Variants in SNRPC observed in about 807,000 individuals in gnomAD.
SNRPC encodes U1 small nuclear ribonucleoprotein C.
In SNRPC, 5 loss-of-function variants were observed where a neutral mutation model predicts 20.0. The observed-to-expected ratio is 0.25, with a 90% CI of 0.13 to 0.53. The LOEUF is 0.53. Ranked by LOEUF, SNRPC falls within the 20% of genes least tolerant of loss-of-function variation. The probability of loss-of-function intolerance (pLI) is 0.96; values close to 1 mark genes in which losing one functional copy is unlikely to be tolerated. For missense variants in SNRPC, 112 were observed against 224.1 expected (o/e 0.50, Z 3.19); for synonymous variants, 61 against 58.7 (o/e 1.04, Z -0.18).
rs764935832 is a variant in SNRPC, at chr6:34,773,585, C to A, written c.*15C>A. ...CAGACAGATAAGGATAGAGGGGAGG[C>A]CTTATTGTATCGGTTTTATATTACC... On this transcript the variant is annotated 3_prime_UTR_variant, in exon 6 of 6. Coordinates refer to ENST00000244520, the MANE Select transcript of SNRPC (RefSeq NM_003093.3). The surrounding 1 kb of genome is among the most constrained non-coding windows in gnomAD (Gnocchi z 4.1). 2 of 1,611,616 alleles carry A rather than the reference C, an allele frequency of 1.2e-6. No homozygotes were observed. The highest frequency in any genetic ancestry group is 1.7e-6 in the Non-Finnish European group (2 of 1,178,772).
In SNRPC at chr6:34,767,815, C is replaced by T. The variant is rs535746460; in HGVS notation, c.161-93C>T. 1.1e-5 allele frequency: 14 copies of T among 1,244,854 alleles called. No homozygotes were observed. In the South Asian group the frequency reaches 1.4e-4, roughly 13 times the overall value. 77.1% of individuals were successfully genotyped at this position (1,244,854 alleles called of 1,614,324 possible). A position where few individuals can be genotyped will look rare whatever the true frequency, so the allele number is the denominator to read the frequency against. On this transcript the variant is annotated intron_variant, in intron 3 of 5. Transcript: ENST00000244520. Reference sequence around the variant, plus strand: ...ACTAGCAAGAGTAAAGTAATTGGAACCGTTGAAGACTTAAAGAAAGTGGTT... The same window carrying T: ...ACTAGCAAGAGTAAAGTAATTGGAATCGTTGAAGACTTAAAGAAAGTGGTT...
At chr6:34,765,631 G>T (rs1015664392) in intron 3 of SNRPC, among the ~76,000 whole-genome samples, 3 of 151,670 alleles carry the variant, frequency 2.0e-5, no homozygotes, top group African/African-American at 4.8e-5. Flanking sequence ...TAGAAATGAG[G>T]TTTCACCATG....
intron 4 of SNRPC, among the ~76,000 whole-genome samples, chr6:34,769,229 C>CT (rs11408407): frequency 0.14 from 17,960 of 129,060 alleles, 1,542 homozygotes; most frequent in African/African-American, 0.23. Flanking sequence ...TTCTTTCTTT[C>CT]TTTTTTTTTT....
intron 3 of SNRPC, among the ~76,000 whole-genome samples, chr6:34,766,571 G>T (rs182858205): frequency 6.6e-6 from 1 of 152,078 alleles, no homozygotes. Flanking sequence ...TTTTGAGAAT[G>T]GGGGGGAGCC....
intron 3 of SNRPC, among the ~76,000 whole-genome samples, chr6:34,764,244 C>T (rs951252413): frequency 3.3e-5 from 5 of 151,526 alleles, no homozygotes; most frequent in Admixed American, 6.6e-5. Context: ...CTTTGGGAGG[C>T]TGAGGCGGGT....
intron 2 of SNRPC, among the ~76,000 whole-genome samples, chr6:34,762,229 G>A (rs925829120): frequency 3.3e-5 from 5 of 151,966 alleles, no homozygotes; most frequent in Admixed American, 2.6e-4. Flanking sequence ...GCTTGAGCCC[G>A]GATGGTTGAG....
chr6:34,759,880 A>ATAACTCTTT (rs1764510971), intron 2 of SNRPC, among the ~76,000 whole-genome samples: 1 of 152,198 alleles, frequency 6.6e-6, no homozygotes, highest in Non-Finnish European at 1.5e-5. Flanking sequence ...TGATTAAATC[A>ATAACTCTTT]TAACTCTTTT....
intron 1 of SNRPC, 49 bp downstream of exon 1, chr6:34,757,600 C>T (rs756379124): frequency 5.7e-5 from 91 of 1,588,892 alleles, no homozygotes; most frequent in Non-Finnish European, 7.7e-5. Flanking sequence ...CTAGTTGTGG[C>T]CCCCATGCAG....
chr6:34,762,627 G>A lies in SNRPC; in HGVS notation c.84G>A (p.Arg28=), dbSNP rs776350415. 1.0e-5 allele frequency: 16 copies of A among 1,602,750 alleles called. No individual in the cohort carries two copies. The highest frequency in any genetic ancestry group is 3.3e-5 in the Admixed American group (2 of 59,954). The change falls in exon 3 of 6, where the codon AGG becomes AGA. Residue 28 remains arginine (R), a synonymous_variant. Transcript: ENST00000244520. ...PSVRKTHCSG[R]KHKENVKDYY... ...TGAGAAAGACACACTGCAGTGGAAG[G>A]AAACACAAAGAGAATGTGAAAGACT...
At chr6:34,760,635 A>G (rs547973868) in intron 2 of SNRPC, among the ~76,000 whole-genome samples, 40 of 152,242 alleles carry the variant, frequency 2.6e-4, no homozygotes, top group African/African-American at 8.2e-4. Flanking sequence ...ATTTCTTTAT[A>G]TTATAAATAT....
At chr6:34,759,410 C>T (rs59142559) in intron 2 of SNRPC, among the ~76,000 whole-genome samples, 33,027 of 152,186 alleles carry the variant, frequency 0.22, 4,343 homozygotes, top group African/African-American at 0.36. Context: ...GCTAGTAGAG[C>T]TCACAATTTG....
intron 3 of SNRPC, among the ~76,000 whole-genome samples, chr6:34,763,756 C>T (rs1026934846): frequency 1.3e-5 from 2 of 150,180 alleles, no homozygotes; most frequent in Non-Finnish European, 3.0e-5. Context: ...CTCACTCTGT[C>T]GCCAGGCTGG....
chr6:34,762,748 C>A (rs769396115), intron 3 of SNRPC, 45 bp downstream of exon 3: 1 of 971,346 alleles, frequency 1.0e-6, no homozygotes, highest in South Asian at 1.4e-5. Flanking sequence ...TGGTCCTATT[C>A]TTTCTTATCC....
intron 3 of SNRPC, among the ~76,000 whole-genome samples, chr6:34,764,909 T>C (rs148676869): frequency 1.3e-3 from 192 of 151,982 alleles, no homozygotes; most frequent in African/African-American, 4.2e-3. Flanking sequence ...TAATCCCAGC[T>C]ACTTGGGAGG....
At chr6:34,771,933 G>A (rs1210150876) in intron 5 of SNRPC, among the ~76,000 whole-genome samples, 1 of 152,212 alleles carries the variant, frequency 6.6e-6, no homozygotes, top group Non-Finnish European at 1.5e-5. Flanking sequence ...GGGAATGCAT[G>A]ATTCATCTAA....
At chr6:34,772,725 A>G (rs754623926) in intron 5 of SNRPC, among the ~76,000 whole-genome samples, 1 of 152,146 alleles carries the variant, frequency 6.6e-6, no homozygotes, top group Non-Finnish European at 1.5e-5. Flanking sequence ...GAAGTAGAAC[A>G]TTATCAATTC....
chr6:34,762,839 G>A, intron 3 of SNRPC, 136 bp downstream of exon 3: 1 of 631,328 alleles, frequency 1.6e-6, no homozygotes, highest in African/African-American at 1.9e-5. Context: ...GAAAGAAGCA[G>A]AAGGTCATTG....
chr6:34,757,599 G>A, intron 1 of SNRPC, 48 bp downstream of exon 1: 1 of 1,594,042 alleles, frequency 6.3e-7, no homozygotes, highest in Non-Finnish European at 8.6e-7. Flanking sequence ...ACTAGTTGTG[G>A]CCCCCATGCA....
chr6:34,757,912 G>A lies in SNRPC; in HGVS notation c.9G>A (p.Lys3=), dbSNP rs758271628. 5.0e-6 allele frequency: 8 copies of A among 1,613,404 alleles called. No individual in the cohort carries two copies. The highest frequency in any genetic ancestry group is 5.9e-6 in the Non-Finnish European group (7 of 1,179,982). The part of the protein sequence containing the change: MP[K]FYCDYCDTYL... The stretch of plus-strand genomic sequence containing the variant: ...TTCTCTTCCTTTCACCTCTTTTCAG[G>A]TTTTATTGTGACTACTGCGATACAT... The change falls in exon 2 of 6, where the codon AAG becomes AAA. Residue 3 remains lysine, a splice_region_variant and synonymous_variant. Transcript: ENST00000244520.
Sources: allele counts gnomAD v4.1 joint callset (sites outside exome capture counted in the v4.1 genomes callset), GRCh38; gene constraint gnomAD v4.1.1; non-coding constraint Gnocchi (gnomAD v3.1); transcripts MANE v1.5; gene names NCBI Gene and HGNC (gene_info 2026-07-23, HGNC 2026-07-21).